SRPK2: variants seen among roughly 807,000 people sequenced by gnomAD.
SRPK2 encodes the protein SRSF protein kinase 2, also known as SFRS protein kinase 2.
A neutral mutation model predicts 90.8 loss-of-function variants in SRPK2; 21 were observed. That is an observed-to-expected ratio of 0.23 (90% CI 0.16 to 0.33). The LOEUF (loss-of-function observed/expected upper bound fraction) is 0.33. Ranked by LOEUF, SRPK2 falls within the 10% of genes least tolerant of loss-of-function variation. SRPK2 has a pLI of 1.00. For synonymous variants in SRPK2, 288 were observed against 311.1 expected, an observed-to-expected ratio of 0.93 and a Z score of 0.78; for missense variants, 620 against 869.0, an observed-to-expected ratio of 0.71 and a Z score of 3.60.
At chr7:105,392,885 T>C (rs1217737107), upstream of SRPK2, among the ~76,000 whole-genome samples, 2 of 148,348 alleles carry the variant, frequency 1.3e-5, no homozygotes, top group Non-Finnish European at 3.0e-5. Flanking sequence ...TGATCTCCGC[T>C]CATTGCAACC....
rs1190027191 is a variant in SRPK2 at position 105,335,389 on chromosome 7, G to A, written c.71+53259C>T. ...TAAAATGAACCTTGGGCTGGATGTC[G>A]TGGCTCACATCTGTAATCCCAGCAC... On this transcript the variant is annotated intron_variant, in intron 2 of 15. Transcript: ENST00000393651. Among the ~76,000 whole-genome samples, 5 of 152,152 alleles carry A rather than the reference G, an allele frequency of 3.3e-5. No homozygotes were observed. In the East Asian group the frequency reaches 5.8e-4, roughly 18 times the overall value.
At chr7:105,301,321 G>A (rs993177154) in intron 2 of SRPK2, among the ~76,000 whole-genome samples, 1 of 150,270 alleles carries the variant, frequency 6.7e-6, no homozygotes, top group African/African-American at 2.4e-5. Context: ...CTCCGGGTCC[G>A]AGCCCACAGC....
chr7:105,204,845 C>T, intron 2 of SRPK2: 1 of 476,128 alleles, frequency 2.1e-6, no homozygotes, highest in Admixed American at 2.8e-5. Flanking sequence ...ATGAAGAGTT[C>T]AAAGACCTAA....
chr7:105,208,007 A>G (rs1010770324), intron 2 of SRPK2, among the ~76,000 whole-genome samples: 4 of 152,236 alleles, frequency 2.6e-5, no homozygotes, highest in Non-Finnish European at 4.4e-5. Flanking sequence ...ACATTTCTAC[A>G]AAGAGGATAT....
intron 2 of SRPK2, among the ~76,000 whole-genome samples, chr7:105,237,673 T>C (rs914189422): frequency 1.3e-5 from 2 of 152,202 alleles, no homozygotes; most frequent in Admixed American, 1.3e-4. Context: ...CTTGAATACC[T>C]TGACAGATAA....
intron 2 of SRPK2, among the ~76,000 whole-genome samples, chr7:105,378,929 A>G (rs1265910810): frequency 6.6e-6 from 1 of 152,098 alleles, no homozygotes. Context: ...CTTGTGGGAG[A>G]GTAAAGTAGT....
Position 105,132,960 on chromosome 7 carries a change from C to T in SRPK2, c.1644+44G>A, listed in dbSNP as rs368951715. On this transcript the variant is annotated intron_variant, in intron 12 of 15. Coordinates refer to ENST00000393651, the MANE Select transcript of SRPK2 (RefSeq NM_182692.3). ...CAGACATTCAAAAAGTGTCTTCGCA[C>T]ACAGAATCAAGACCAAAGGTTTTAG... is the stretch of plus-strand genomic sequence containing the variant. 54 of 1,613,138 alleles carry T rather than the reference C, an allele frequency of 3.3e-5. No individual in the cohort carries two copies. The African/African-American group carries it at 6.7e-4, about 20-fold the overall frequency.
At chr7:105,234,709 A>G (rs1005329685) in intron 2 of SRPK2, among the ~76,000 whole-genome samples, 2 of 152,128 alleles carry the variant, frequency 1.3e-5, no homozygotes, top group Admixed American at 1.3e-4. Context: ...TAACTTACAC[A>G]TTAGAAGAAG....
intron 2 of SRPK2, among the ~76,000 whole-genome samples, chr7:105,300,969 A>G (rs1262873783): frequency 2.0e-5 from 3 of 152,194 alleles, no homozygotes; most frequent in Non-Finnish European, 4.4e-5. Context: ...CGATTCCTCA[A>G]GGATCTAGAA....
At chr7:105,344,678 T>C (rs1353923798) in intron 2 of SRPK2, among the ~76,000 whole-genome samples, 5 of 152,066 alleles carry the variant, frequency 3.3e-5, no homozygotes, top group African/African-American at 1.2e-4. Context: ...AGACCCCTGC[T>C]CTACACTCTA....
chr7:105,143,051 C>A (rs368120555), intron 10 of SRPK2, 33 bp downstream of exon 10: 7 of 1,603,156 alleles, frequency 4.4e-6, no homozygotes, highest in African/African-American at 1.3e-5. Context: ...GCTCTGAGAA[C>A]CCCATGCAGC....
chr7:105,252,026 A>G (rs562909956), intron 2 of SRPK2, among the ~76,000 whole-genome samples: 190 of 152,136 alleles, frequency 1.2e-3, no homozygotes, highest in African/African-American at 4.2e-3. Flanking sequence ...AAGAAACTAC[A>G]CTCCTTTTAC....
intron 2 of SRPK2, among the ~76,000 whole-genome samples, chr7:105,290,672 A>C (rs1808851493): frequency 6.6e-6 from 1 of 152,192 alleles, no homozygotes; most frequent in Non-Finnish European, 1.5e-5. Context: ...TCAACAAAAA[A>C]TACAAAATGT....
At chr7:105,115,960 A>C (rs1799597467), downstream of SRPK2, among the ~76,000 whole-genome samples, 1 of 152,206 alleles carries the variant, frequency 6.6e-6, no homozygotes, top group African/African-American at 2.4e-5. Flanking sequence ...CCTCATTAGA[A>C]AAACTTAGCA....
At chr7:105,129,213 C>T (rs959673793) in intron 13 of SRPK2, among the ~76,000 whole-genome samples, 2 of 151,336 alleles carry the variant, frequency 1.3e-5, no homozygotes, top group East Asian at 2.0e-4. Flanking sequence ...GGATTACAGG[C>T]GTGAGCCACC....
At chr7:105,235,031 G>C (rs1013579985) in intron 2 of SRPK2, among the ~76,000 whole-genome samples, 2 of 151,992 alleles carry the variant, frequency 1.3e-5, no homozygotes, top group African/African-American at 2.4e-5. Context: ...ATCAGCTATC[G>C]TTAGTGTTAG....
chr7:105,178,801 C>A (rs1446015544), intron 3 of SRPK2, among the ~76,000 whole-genome samples: 1 of 151,588 alleles, frequency 6.6e-6, no homozygotes, highest in African/African-American at 2.4e-5. Context: ...AAAGTAAGGC[C>A]CTCTCTCAAA....
intron 2 of SRPK2, chr7:105,204,621 T>C (rs950327747): frequency 8.7e-6 from 6 of 686,956 alleles, no homozygotes; most frequent in African/African-American, 1.8e-5. Context: ...TGTGGAAAGG[T>C]TGCTCTGAGG....
chr7:105,283,269 C>T (rs1187141080), intron 2 of SRPK2, among the ~76,000 whole-genome samples: 1 of 152,202 alleles, frequency 6.6e-6, no homozygotes, highest in Admixed American at 6.5e-5. Flanking sequence ...TATGACCCAA[C>T]AATTCTCCTC....
Sources: allele counts gnomAD v4.1 joint callset (sites outside exome capture counted in the v4.1 genomes callset), GRCh38; gene constraint gnomAD v4.1.1; transcripts MANE v1.5; gene names NCBI Gene and HGNC (gene_info 2026-07-23, HGNC 2026-07-21).